Variants in RIT2 observed in about 807,000 individuals in gnomAD.
RIT2 encodes the protein Ras like without CAAX 2.
Under a neutral mutation model 23.7 loss-of-function variants are expected in RIT2, and 24 were observed. The ratio of observed to expected loss-of-function variants is 1.01; its 90% CI spans 0.73 to 1.43. RIT2 has a LOEUF of 1.43. RIT2 is among the 40% of genes most tolerant of loss of function. The pLI, the probability that RIT2 is intolerant of heterozygous loss-of-function variation, is 0.00. For synonymous variants in RIT2, 107 were observed against 91.1 expected (o/e 1.17, Z -0.99); for missense variants, 236 against 266.9 (o/e 0.88, Z 0.81).
At chr18:42,924,262 T>C (rs1013310502) in intron 3 of RIT2, among the ~76,000 whole-genome samples, 1 of 152,126 alleles carries the variant, frequency 6.6e-6, no homozygotes, top group African/African-American at 2.4e-5. Context: ...TACTCAAAAA[T>C]ATGAAAATGA....
intron 2 of RIT2, among the ~76,000 whole-genome samples, chr18:43,022,615 C>A (rs1018073036): frequency 4.6e-5 from 7 of 151,970 alleles, no homozygotes; most frequent in African/African-American, 1.7e-4. Flanking sequence ...CTAAAGTTTC[C>A]ATATTAACCT....
At chr18:42,941,639 CA>C (rs1408666988) in intron 3 of RIT2, among the ~76,000 whole-genome samples, 1 of 152,060 alleles carries the variant, frequency 6.6e-6, no homozygotes, top group East Asian at 1.9e-4. Context: ...TTAATCACAT[CA>C]ATTTTCTATG....
At chr18:43,018,467 CAAGTT>C in intron 2 of RIT2, among the ~76,000 whole-genome samples, 1 of 151,320 alleles carries the variant, frequency 6.6e-6, no homozygotes, top group Non-Finnish European at 1.5e-5. Flanking sequence ...ACCATTAAAA[CAAGTT>C]AAATTAAATG....
At chr18:43,040,063 G>A (rs1465043897) in intron 1 of RIT2, among the ~76,000 whole-genome samples, 4 of 152,132 alleles carry the variant, frequency 2.6e-5, no homozygotes, top group African/African-American at 4.8e-5. Context: ...GGTCAAGACC[G>A]CTTAGAACAA....
intron 1 of RIT2, among the ~76,000 whole-genome samples, chr18:43,071,503 A>C (rs576792433): frequency 6.6e-6 from 1 of 152,288 alleles, no homozygotes; most frequent in Admixed American, 6.5e-5. Context: ...TCCATTGTTA[A>C]TATATCTACC....
chr18:43,023,159 T>C (rs1911635695), intron 2 of RIT2, among the ~76,000 whole-genome samples: 1 of 152,082 alleles, frequency 6.6e-6, no homozygotes, highest in South Asian at 2.1e-4. Context: ...ATGGAGATCA[T>C]ATGCTACTCA....
At chr18:42,941,827 T>A (rs1205172273) in intron 3 of RIT2, among the ~76,000 whole-genome samples, 2 of 152,114 alleles carry the variant, frequency 1.3e-5, no homozygotes, top group African/African-American at 4.8e-5. Flanking sequence ...TTCCAGTTAA[T>A]TTTATGAACA....
At chr18:43,029,683 C>T (rs960962560) in intron 2 of RIT2, among the ~76,000 whole-genome samples, 9 of 152,066 alleles carry the variant, frequency 5.9e-5, no homozygotes, top group African/African-American at 2.2e-4. Context: ...CATTGTGCAC[C>T]TTTGACTCCT....
intron 1 of RIT2, among the ~76,000 whole-genome samples, chr18:43,036,570 AAAAAC>A (rs1010693661): frequency 6.9e-6 from 1 of 145,532 alleles, no homozygotes; most frequent in African/African-American, 2.6e-5. Context: ...CCTGCCCCGC[AAAAAC>A]AAAACAAAAC....
chr18:42,995,763 G>A (rs1229692755), intron 2 of RIT2, among the ~76,000 whole-genome samples: 1 of 152,158 alleles, frequency 6.6e-6, no homozygotes, highest in Non-Finnish European at 1.5e-5. Context: ...TTAAGCTCCT[G>A]TATGGACGCT....
chr18:42,800,760 T>C (rs572363572), intron 4 of RIT2, among the ~76,000 whole-genome samples: 2 of 152,238 alleles, frequency 1.3e-5, no homozygotes, highest in African/African-American at 4.8e-5. Context: ...CTCGATCTCC[T>C]GACCTCGTGA....
intron 1 of RIT2, among the ~76,000 whole-genome samples, chr18:43,074,406 A>C (rs1428550144): frequency 6.6e-6 from 1 of 152,140 alleles, no homozygotes; most frequent in Non-Finnish European, 1.5e-5. Context: ...TACTTTTTCC[A>C]ACTAATAATT....
At chr18:42,806,299 T>C (rs2143968868) in intron 4 of RIT2, among the ~76,000 whole-genome samples, 1 of 151,694 alleles carries the variant, frequency 6.6e-6, no homozygotes, top group Middle Eastern at 3.4e-3. Flanking sequence ...TAAAACCTCA[T>C]CTCTACTAAT....
At chr18:43,033,943 C>A in intron 1 of RIT2, 76 bp from the exon 2 acceptor site, 2 of 980,410 alleles carry the variant, frequency 2.0e-6, no homozygotes, top group South Asian at 1.4e-5. Flanking sequence ...ACATAGTCCA[C>A]CAATCTTTTA....
intron 3 of RIT2, among the ~76,000 whole-genome samples, chr18:42,943,980 C>T (rs1410511981): frequency 6.6e-6 from 1 of 152,110 alleles, no homozygotes; most frequent in African/African-American, 2.4e-5. Flanking sequence ...CATTCCCTTA[C>T]TTTATTGCAA....
At chr18:42,830,769 C>A (rs888530819) in intron 4 of RIT2, among the ~76,000 whole-genome samples, 3 of 152,104 alleles carry the variant, frequency 2.0e-5, no homozygotes, top group Admixed American at 6.6e-5. Flanking sequence ...AGATAGGGAA[C>A]AAGTTCTGCT....
At chr18:42,760,295 G>A (rs915204203) in intron 4 of RIT2, among the ~76,000 whole-genome samples, 13 of 152,148 alleles carry the variant, frequency 8.5e-5, no homozygotes, top group African/African-American at 3.1e-4. Flanking sequence ...AGGTGAACAA[G>A]ATGACCTGCC....
At chr18:42,883,912 T>C (rs1907956443) in intron 4 of RIT2, among the ~76,000 whole-genome samples, 1 of 152,212 alleles carries the variant, frequency 6.6e-6, no homozygotes, top group African/African-American at 2.4e-5. Flanking sequence ...CAGAACAATG[T>C]CTTTTTTGCC....
At chr18:43,048,956 T>A (rs1404586167) in intron 1 of RIT2, among the ~76,000 whole-genome samples, 1 of 152,218 alleles carries the variant, frequency 6.6e-6, no homozygotes, top group Non-Finnish European at 1.5e-5. Flanking sequence ...GTTTCTAAAA[T>A]TGTTTCAACC....
Sources: allele counts gnomAD v4.1 joint callset (sites outside exome capture counted in the v4.1 genomes callset), GRCh38; gene constraint gnomAD v4.1.1; transcripts MANE v1.5; gene names NCBI Gene and HGNC (gene_info 2026-07-23, HGNC 2026-07-21).